Variants in CLIP4 observed in about 807,000 individuals in gnomAD.
The protein encoded by CLIP4 is CAP-Gly domain-containing linker protein 4.
CLIP4 carries 47 observed loss-of-function variants against 73.1 expected under a neutral mutation model. The ratio of observed to expected loss-of-function variants is 0.64; its 90% CI spans 0.51 to 0.82. The LOEUF is 0.82. CLIP4 is among the 40% of genes least tolerant of loss of function. The probability of loss-of-function intolerance (pLI) is 0.00; values close to 1 mark genes in which losing one functional copy is unlikely to be tolerated. For synonymous variants in CLIP4, 306 were observed against 295.4 expected (o/e 1.04, Z -0.37); for missense variants, 874 against 852.9 (o/e 1.02, Z -0.31).
At chr2:29,173,548 AC>A (rs1271339029) in intron 14 of CLIP4, among the ~76,000 whole-genome samples, 1 of 152,136 alleles carries the variant, frequency 6.6e-6, no homozygotes, top group African/African-American at 2.4e-5. Flanking sequence ...ATGGTCAATT[AC>A]TTTGGTGCTT....
Position 29,147,343 on chromosome 2 carries a change from A to T in CLIP4, c.1021+1976A>T, listed in dbSNP as rs1210502885. ...TTTTTAAAAAAGGATGAGTTTTAAA[A>T]TACATACTTATGATATTAAGCTTTA... is the stretch of plus-strand genomic sequence containing the variant. On this transcript the variant is annotated intron_variant, in intron 8 of 15. Transcript: ENST00000320081. 2.0e-5 allele frequency among the ~76,000 whole-genome samples: 3 copies of T among 152,238 alleles called. No individual in the cohort carries two copies. In the East Asian group the frequency reaches 5.8e-4, roughly 29 times the overall value.
In CLIP4 at chr2:29,157,131, A is replaced by G. The variant is rs986845930; in HGVS notation, c.1256-73A>G. On this transcript the variant is annotated intron_variant, in intron 10 of 15. Coordinates refer to ENST00000320081, the MANE Select transcript of CLIP4 (RefSeq NM_024692.6). ...AAGTTAAATGAAGAATTTCAGAAAG[A>G]TTTGCCTTGACAAGCTGCTTCTTGG... 3.7e-5 allele frequency: 48 copies of G among 1,311,848 alleles called. No individual in the cohort carries two copies. In the Admixed American group the frequency reaches 7.9e-4, roughly 21 times the overall value. 81.3% of individuals were successfully genotyped at this position (1,311,848 alleles called of 1,614,324 possible).
chr2:29,165,491 C>T (rs574953247), intron 13 of CLIP4, among the ~76,000 whole-genome samples: 18 of 152,184 alleles, frequency 1.2e-4, no homozygotes, highest in Non-Finnish European at 2.2e-4. Context: ...AGTCTAGTAT[C>T]AGCATGTGTG....
intron 15 of CLIP4, 106 bp from the exon 16 acceptor site, chr2:29,181,466 G>C: frequency 1.1e-6 from 1 of 913,898 alleles, no homozygotes; most frequent in Non-Finnish European, 1.6e-6. Flanking sequence ...TCTCTTTTGG[G>C]AACTGAGTGA....
intron 2 of CLIP4, among the ~76,000 whole-genome samples, chr2:29,128,912 C>T (rs1356527568): frequency 6.6e-6 from 1 of 152,100 alleles, no homozygotes; most frequent in Non-Finnish European, 1.5e-5. Context: ...TATAATTTTT[C>T]AGTGTAGCAC....
At chr2:29,113,721 G>T (rs938954128), upstream of CLIP4, among the ~76,000 whole-genome samples, 3 of 152,090 alleles carry the variant, frequency 2.0e-5, no homozygotes, top group Non-Finnish European at 4.4e-5. The surrounding 1 kb of genome is among the most constrained non-coding windows in gnomAD (Gnocchi z 4.0). Context: ...TACTAATAGT[G>T]GTATTTCAGA....
rs146523515 is a variant in CLIP4, at chr2:29,174,974, T to C, written c.1796+529T>C. Among the ~76,000 whole-genome samples the C allele has an allele frequency of 6.9e-3, 1,047 of 152,242 alleles. 10 individuals are homozygous for C. The highest frequency in any genetic ancestry group is 0.024 in the African/African-American group (991 of 41,530). On this transcript the variant is annotated intron_variant, in intron 15 of 15. Transcript: ENST00000320081. ...GACCCACTTCACTACCCCCCATTGG[T>C]TTTCTGAAGCATTTTCACTTTAGAG...
At chr2:29,114,181 A>G (rs192033891), upstream of CLIP4, 7 of 152,368 alleles carry the variant, frequency 4.6e-5, no homozygotes, top group Admixed American at 3.3e-4. Flanking sequence ...GTTGTTAAGC[A>G]TAGGACCTAA....
Position 29,182,057 on chromosome 2 carries a change from T to C in CLIP4, c.*164T>C, listed in dbSNP as rs1206491278. The C allele has an allele frequency of 7.4e-6, 4 of 540,202 alleles. No homozygotes were observed. The highest frequency in any genetic ancestry group is 9.3e-6 in the Non-Finnish European group (3 of 323,836). The allele number at this position is 540,202 out of a possible 1,614,324, so 33.5% of individuals were successfully genotyped here. ...AGAGAGTTCTTTACAAAGCCATGAATATGAACTATGGGGAATCATGGTTCT... is the reference window on the plus strand; with the variant it reads ...AGAGAGTTCTTTACAAAGCCATGAACATGAACTATGGGGAATCATGGTTCT... On this transcript the variant is annotated 3_prime_UTR_variant, in exon 16 of 16. Coordinates refer to ENST00000320081, the MANE Select transcript of CLIP4 (RefSeq NM_024692.6).
At chr2:29,133,911 C>T (rs1261595185) in intron 5 of CLIP4, 95 bp downstream of exon 5, 2 of 1,075,284 alleles carry the variant, frequency 1.9e-6, no homozygotes, top group African/African-American at 1.6e-5. Flanking sequence ...CCTTCTAATC[C>T]ATCTTGTTTC....
chr2:29,135,485 C>T, intron 5 of CLIP4, 63 bp from the exon 6 acceptor site: 1 of 1,264,476 alleles, frequency 7.9e-7, no homozygotes, highest in East Asian at 2.5e-5. Context: ...GCCCTGTCTT[C>T]TTTTAAATTA....
intron 13 of CLIP4, 30 bp downstream of exon 13, chr2:29,163,984 A>G (rs1412763608): frequency 1.9e-6 from 3 of 1,599,236 alleles, no homozygotes; most frequent in East Asian, 2.2e-5. Context: ...GTTTATTTAC[A>G]GAAACTTTTT....
At chr2:29,131,156 A>G (rs1449190371) in intron 2 of CLIP4, 102 bp from the exon 3 acceptor site, 1 of 1,067,092 alleles carries the variant, frequency 9.4e-7, no homozygotes, top group East Asian at 2.7e-5. Flanking sequence ...TTTAGCATCT[A>G]AAATATTTGT....
rs1668239932 is a variant in CLIP4 at position 29,107,358 on chromosome 2, G to GTTTTGTTTTTTTTTTTT, written c.-16+9415_-16+9416insGTTTTTTTTTTTTTTTT. ...ATTTCTAAATTCCTGGAACATGATA[G>GTTTTGTTTTTTTTTTTT]TTTTTTTTTTTTTTTTTTTTTTTTT... is the stretch of plus-strand genomic sequence containing the variant. On this transcript the variant is annotated intron_variant, in intron 1 of 14. Coordinates refer to the CLIP4 transcript ENST00000401605. Among the ~76,000 whole-genome samples the GTTTTGTTTTTTTTTTTT allele has an allele frequency of 6.1e-5, 4 of 65,352 alleles. 1 individual carries two copies. The highest frequency in any genetic ancestry group is 1.2e-4 in the Non-Finnish European group (4 of 33,606). The allele number at this position is 65,352 out of a possible 152,430, so 42.9% of individuals were successfully genotyped here.
At chr2:29,125,996 G>A (rs1664578107) in intron 2 of CLIP4, among the ~76,000 whole-genome samples, 1 of 152,080 alleles carries the variant, frequency 6.6e-6, no homozygotes, top group African/African-American at 2.4e-5. Flanking sequence ...CCAACATGGT[G>A]AAACCCTGTC....
chr2:29,118,938 G>C (rs542655947), intron 1 of CLIP4, among the ~76,000 whole-genome samples: 2 of 152,260 alleles, frequency 1.3e-5, no homozygotes, highest in African/African-American at 4.8e-5. Flanking sequence ...AGTATACTTA[G>C]ACATTTGACC....
rs1002662535 is a variant in CLIP4 at position 29,182,207 on chromosome 2, T to A, written c.*314T>A. On this transcript the variant is annotated 3_prime_UTR_variant, in exon 16 of 16. Coordinates refer to ENST00000320081, the MANE Select transcript of CLIP4 (RefSeq NM_024692.6). ...CATTTCTTGCTTATTCTGTTTTGTT[T>A]TTGCACATCATAATGGATTTTTCTT... is the stretch of plus-strand genomic sequence containing the variant. 2.0e-5 allele frequency: 4 copies of A among 196,450 alleles called. No individual in the cohort carries two copies. The East Asian group carries it at 5.1e-4, about 25-fold the overall frequency. The allele number at this position is 196,450 out of a possible 1,614,324, so 12.2% of individuals were successfully genotyped here.
rs545172416 is a variant in CLIP4, at chr2:29,098,669, A to C, written c.-16+722A>C. On this transcript the variant is annotated intron_variant, in intron 1 of 14. Transcript: ENST00000401605. ...TCAATTATGAAAAAAGCTCCTACTA[A>C]CATTCACGTATCGGTTCTCGTGTGG... is the stretch of plus-strand genomic sequence containing the variant. Among the ~76,000 whole-genome samples the C allele has an allele frequency of 1.4e-4, 21 of 152,002 alleles. No individual in the cohort carries two copies. The East Asian group carries it at 3.7e-3, about 27-fold the overall frequency.
chr2:29,113,879 GAT>G (rs1668447638), upstream of CLIP4: 1 of 152,280 alleles, frequency 6.6e-6, no homozygotes, highest in Admixed American at 6.5e-5. The surrounding 1 kb of genome is among the most constrained non-coding windows in gnomAD (Gnocchi z 4.0). Context: ...ACCAAGGGCA[GAT>G]TGCCTTCCTT....
Sources: allele counts gnomAD v4.1 joint callset (sites outside exome capture counted in the v4.1 genomes callset), GRCh38; gene constraint gnomAD v4.1.1; non-coding constraint Gnocchi (gnomAD v3.1); transcripts MANE v1.5; gene names NCBI Gene and HGNC (gene_info 2026-07-23, HGNC 2026-07-21).